GAREM1: variants seen among roughly 807,000 people sequenced by gnomAD.
GAREM1 encodes GRB2 associated regulator of MAPK1 subtype 1, also known as GRB2-associated and regulator of MAPK protein 1.
In GAREM1, 26 loss-of-function variants were observed where a neutral mutation model predicts 71.3. The ratio of observed to expected loss-of-function variants is 0.36; its 90% CI spans 0.27 to 0.51. GAREM1 has a LOEUF of 0.51. GAREM1 is among the 20% of genes least tolerant of loss of function. The probability of loss-of-function intolerance (pLI) is 0.95; values close to 1 mark genes in which losing one functional copy is unlikely to be tolerated. For synonymous variants in GAREM1, 440 were observed against 433.2 expected, an observed-to-expected ratio of 1.02 and a Z score of -0.20; for missense variants, 1,026 against 1,103.1, an observed-to-expected ratio of 0.93 and a Z score of 0.99.
chr18:32,367,700 A>G (rs1234636855), intron 2 of GAREM1, among the ~76,000 whole-genome samples: 2 of 152,204 alleles, frequency 1.3e-5, no homozygotes, highest in African/African-American at 2.4e-5. Flanking sequence ...AGGATGGCAG[A>G]CACGGTTCAG....
intron 2 of GAREM1, among the ~76,000 whole-genome samples, chr18:32,382,955 A>T (rs1340067116): frequency 2.0e-5 from 3 of 152,258 alleles, no homozygotes; most frequent in Non-Finnish European, 4.4e-5. Context: ...TGTAATTGCC[A>T]CTGAGAAACG....
chr18:32,316,382 A>G (rs1313573359), intron 2 of GAREM1, among the ~76,000 whole-genome samples: 1 of 152,198 alleles, frequency 6.6e-6, no homozygotes, highest in African/African-American at 2.4e-5. Flanking sequence ...TTTAATTTAC[A>G]TATTTGTGTA....
At chr18:32,328,974 C>T (rs535420000) in intron 2 of GAREM1, among the ~76,000 whole-genome samples, 47 of 152,264 alleles carry the variant, frequency 3.1e-4, no homozygotes, top group African/African-American at 9.9e-4. Context: ...AATACAATGA[C>T]GGGCAAAGAA....
intron 1 of GAREM1, chr18:32,413,270 T>C (rs981955752): frequency 5.5e-6 from 8 of 1,463,498 alleles, no homozygotes; most frequent in African/African-American, 1.4e-5. Context: ...TATTTGACAG[T>C]TTGGGGGAGT....
Position 32,287,195 on chromosome 18 carries a change from G to C in GAREM1, c.1402C>G (p.Leu468Val). The change falls in exon 4 of 6, where the codon CTC becomes GTC. Residue 468 changes from leucine to valine, a missense_variant. This residue lies in a region of GAREM1 where 636 missense variants were observed against 631.2 expected (regional missense o/e 1.01). Coordinates refer to ENST00000269209, the MANE Select transcript of GAREM1 (RefSeq NM_001242409.2). The surrounding 1 kb of genome is among the most constrained non-coding windows in gnomAD (Gnocchi z 5.9). ...TTCTTCTCGCTCAGAGAGCGAGTGAGAGGCTGATGGCTGGGCTTGCCTTCC... is the reference window on the plus strand; with the variant it reads ...TTCTTCTCGCTCAGAGAGCGAGTGACAGGCTGATGGCTGGGCTTGCCTTCC... Reference protein sequence around the residue: ...LEEGKPSHQPLTRSLSEKNRC... With the variant: ...LEEGKPSHQPVTRSLSEKNRC... The C allele has an allele frequency of 6.2e-7, 1 of 1,614,256 alleles. No homozygotes were observed. Among genetic ancestry groups the C allele is most frequent in the Non-Finnish European group, 8.5e-7 (1 of 1,180,042 alleles).
chr18:32,385,522 G>C (rs115944819), intron 2 of GAREM1, among the ~76,000 whole-genome samples: 254 of 152,018 alleles, frequency 1.7e-3, no homozygotes, highest in African/African-American at 5.9e-3. Context: ...CTGAGCAAGG[G>C]GAATGTCACC....
At position 32,340,649 on chromosome 18, in the gene GAREM1, T is replaced by C. The variant is rs369187053; in HGVS notation, c.263-30326A>G. ...AAGGGGCTGTAAAAGTAAAGTATGT[T>C]TACTGCAACAACTCAACAATAGGAA... On this transcript the variant is annotated intron_variant, in intron 2 of 5. Coordinates refer to ENST00000269209, the MANE Select transcript of GAREM1 (RefSeq NM_001242409.2). Among the ~76,000 whole-genome samples, 5 of 152,194 alleles carry C rather than the reference T, an allele frequency of 3.3e-5. No individual in the cohort carries two copies. In the East Asian group the frequency reaches 9.6e-4, roughly 29 times the overall value.
intron 1 of GAREM1, among the ~76,000 whole-genome samples, chr18:32,436,578 A>C (rs2048681382): frequency 6.6e-6 from 1 of 152,252 alleles, no homozygotes; most frequent in Non-Finnish European, 1.5e-5. Flanking sequence ...CTGATGAAGC[A>C]GCTGAAGTCA....
chr18:32,395,104 G>A (rs1365452145), intron 1 of GAREM1, among the ~76,000 whole-genome samples: 1 of 152,150 alleles, frequency 6.6e-6, no homozygotes, highest in Non-Finnish European at 1.5e-5. Context: ...ACCTTCAGAG[G>A]AGTTGAGAAA....
intron 1 of GAREM1, among the ~76,000 whole-genome samples, chr18:32,395,393 C>G (rs1049580835): frequency 3.9e-5 from 6 of 152,130 alleles, no homozygotes; most frequent in Admixed American, 1.3e-4. Context: ...ACAGCCAATA[C>G]CAATAACAAA....
At chr18:32,333,736 A>G (rs532599484) in intron 2 of GAREM1, among the ~76,000 whole-genome samples, 2 of 152,294 alleles carry the variant, frequency 1.3e-5, no homozygotes, top group South Asian at 2.1e-4. Context: ...GCTGCTCTGA[A>G]TGCTCTTCCT....
rs750474406 is a variant in GAREM1, at chr18:32,470,405, G to A, written c.24C>T (p.Gly8=). MDPAPSL[G]CSLKDVKWSS... The stretch of plus-strand genomic sequence containing the variant: ...TCCACTTCACATCCTTGAGGCTGCA[G>A]CCCAGCGAGGGCGCCGGGTCCATCT... The change falls in exon 1 of 6, where the codon GGC becomes GGT. Residue 8 remains glycine, a synonymous_variant. Transcript: ENST00000269209. The surrounding 1 kb of genome is among the most constrained non-coding windows in gnomAD (Gnocchi z 4.4). The A allele has an allele frequency of 6.5e-7, 1 of 1,530,814 alleles. No homozygotes were observed. 94.8% of individuals were successfully genotyped at this position (1,530,814 alleles called of 1,614,324 possible). A position where few individuals can be genotyped will look rare whatever the true frequency, so the allele number is the denominator to read the frequency against.
At chr18:32,381,650 C>T (rs2048099178) in intron 2 of GAREM1, among the ~76,000 whole-genome samples, 1 of 152,192 alleles carries the variant, frequency 6.6e-6, no homozygotes, top group Non-Finnish European at 1.5e-5. Flanking sequence ...TCTCATCCTC[C>T]ACTCCTGACC....
At chr18:32,373,532 C>G (rs553543569) in intron 2 of GAREM1, among the ~76,000 whole-genome samples, 1 of 152,302 alleles carries the variant, frequency 6.6e-6, no homozygotes, top group East Asian at 1.9e-4. Context: ...TAAGAAGACT[C>G]TGACAAGAAA....
chr18:32,282,413 A>G (rs2046963662), intron 4 of GAREM1, among the ~76,000 whole-genome samples: 1 of 152,186 alleles, frequency 6.6e-6, no homozygotes, highest in East Asian at 1.9e-4. Flanking sequence ...TGACAGAGTT[A>G]GACTCCGTCT....
At chr18:32,457,610 T>C (rs1238605931) in intron 1 of GAREM1, among the ~76,000 whole-genome samples, 1 of 152,024 alleles carries the variant, frequency 6.6e-6, no homozygotes, top group Non-Finnish European at 1.5e-5. Context: ...TAAAGTTAAT[T>C]TGAAGCTTCT....
intron 2 of GAREM1, among the ~76,000 whole-genome samples, chr18:32,327,114 T>C (rs1356796869): frequency 6.6e-6 from 1 of 152,224 alleles, no homozygotes; most frequent in Admixed American, 6.5e-5. Context: ...GAGTCAGCAA[T>C]TATGATTTCT....
chr18:32,280,164 T>G (rs1043776575), intron 4 of GAREM1, among the ~76,000 whole-genome samples: 4 of 152,200 alleles, frequency 2.6e-5, no homozygotes, highest in African/African-American at 4.8e-5. Context: ...AAAATCTGTC[T>G]GTCAATACCT....
chr18:32,337,740 T>C (rs1179845523), intron 2 of GAREM1, among the ~76,000 whole-genome samples: 1 of 152,176 alleles, frequency 6.6e-6, no homozygotes, highest in Non-Finnish European at 1.5e-5. Context: ...GATATCTCAG[T>C]AAGACCTTGT....
Sources: gnomAD v4.1 joint callset for allele counts (sites outside exome capture counted in the v4.1 genomes callset) on GRCh38, gnomAD v4.1.1 for gene constraint, gnomAD v4.1.1 regional missense constraint, Gnocchi (gnomAD v3.1) non-coding constraint, MANE v1.5 for transcripts, NCBI Gene and HGNC (gene_info 2026-07-23, HGNC 2026-07-21) for gene names.